Variants in TRHDE observed in about 807,000 individuals in gnomAD.
TRHDE encodes the protein thyrotropin-releasing hormone-degrading ectoenzyme.
A neutral mutation model predicts 125.7 loss-of-function variants in TRHDE; 72 were observed. The ratio of observed to expected loss-of-function variants is 0.57; its 90% CI spans 0.47 to 0.70. The LOEUF (loss-of-function observed/expected upper bound fraction) is 0.70, where lower values mean the gene tolerates loss of function less well. Among genes scored for constraint, TRHDE ranks in the 30% least tolerant of loss-of-function variants. TRHDE has a pLI of 0.00. For synonymous variants in TRHDE, 509 were observed against 509.1 expected (o/e 1.00, Z 0.00); for missense variants, 1,110 against 1,327.1 (o/e 0.84, Z 2.54).
At chr12:72,469,534 G>A (rs908303811) in intron 3 of TRHDE, among the ~76,000 whole-genome samples, 1 of 152,090 alleles carries the variant, frequency 6.6e-6, no homozygotes, top group African/African-American at 2.4e-5. Context: ...CTATAGCACT[G>A]GGCTTGAAAA....
Position 72,238,313 on chromosome 12 carries a change from T to C in TRHDE, n.279+132561T>C, listed in dbSNP as rs1392433180. Among the ~76,000 whole-genome samples the C allele has an allele frequency of 1.0e-3, 36 of 34,612 alleles. 3 individuals are homozygous for C. Among genetic ancestry groups the C allele is most frequent in the African/African-American group, 3.2e-3 (32 of 9,982 alleles). The allele number at this position is 34,612 out of a possible 152,430, so 22.7% of individuals were successfully genotyped here. A position where few individuals can be genotyped will look rare whatever the true frequency, so the allele number is the denominator to read the frequency against. On this transcript the variant is annotated intron_variant and non_coding_transcript_variant, in intron 2 of 4. Coordinates refer to the TRHDE transcript ENST00000548156. ...ATATATATATATATATATATATATA[T>C]ATATATATACATATATATATACACA...
chr12:72,660,497 C>G (rs1874874846), intron 18 of TRHDE, among the ~76,000 whole-genome samples: 2 of 152,168 alleles, frequency 1.3e-5, no homozygotes, highest in Non-Finnish European at 2.9e-5. Flanking sequence ...AAGGAGCCCT[C>G]AAACGGCCCT....
chr12:72,444,300 A>G (rs1209077913), intron 3 of TRHDE, among the ~76,000 whole-genome samples: 1 of 151,856 alleles, frequency 6.6e-6, no homozygotes, highest in Non-Finnish European at 1.5e-5. Flanking sequence ...AAATTCCCTT[A>G]TTCTAATTGC....
intron 2 of TRHDE, among the ~76,000 whole-genome samples, chr12:72,192,513 C>T (rs138394111): frequency 6.6e-6 from 1 of 152,020 alleles, no homozygotes; most frequent in Non-Finnish European, 1.5e-5. Flanking sequence ...GAATTTAAGG[C>T]TGTGATTGAA....
chr12:72,356,843 C>G (rs771063097), intron 2 of TRHDE, among the ~76,000 whole-genome samples: 11 of 151,448 alleles, frequency 7.3e-5, no homozygotes, highest in Non-Finnish European at 1.0e-4. Context: ...AACTATGAAA[C>G]TCCAAGCACA....
At chr12:72,159,218 T>C (rs1206048181) in intron 2 of TRHDE, among the ~76,000 whole-genome samples, 2 of 152,174 alleles carry the variant, frequency 1.3e-5, no homozygotes, top group African/African-American at 4.8e-5. Flanking sequence ...ATTTTAGTAG[T>C]AGAAAGTTAC....
intron 2 of TRHDE, among the ~76,000 whole-genome samples, chr12:72,191,338 A>G (rs1462552178): frequency 6.6e-6 from 1 of 152,132 alleles, no homozygotes; most frequent in Non-Finnish European, 1.5e-5. Context: ...CTCTCATAGC[A>G]TCTCCTAGAA....
intron 15 of TRHDE, among the ~76,000 whole-genome samples, chr12:72,634,041 G>GAGAT (rs1873611151): frequency 6.6e-6 from 1 of 152,068 alleles, no homozygotes; most frequent in South Asian, 2.1e-4. Flanking sequence ...GCACATTGTG[G>GAGAT]AGATAAAGCC....
chr12:72,478,673 G>T (rs755090709), intron 5 of TRHDE, among the ~76,000 whole-genome samples: 3 of 152,030 alleles, frequency 2.0e-5, no homozygotes, highest in Non-Finnish European at 4.4e-5. Flanking sequence ...GAAACTACAA[G>T]GAGGATATAA....
At chr12:72,375,969 C>A (rs1488154870) in intron 2 of TRHDE, among the ~76,000 whole-genome samples, 1 of 152,178 alleles carries the variant, frequency 6.6e-6, no homozygotes, top group Non-Finnish European at 1.5e-5. Flanking sequence ...CTTCTAGCTT[C>A]CACTGCTTTG....
chr12:72,364,856 A>T (rs932191615), intron 2 of TRHDE, among the ~76,000 whole-genome samples: 1 of 152,142 alleles, frequency 6.6e-6, no homozygotes, highest in Non-Finnish European at 1.5e-5. Context: ...CCTGGCTGTC[A>T]GTCTTGCTGA....
chr12:72,116,521 T>C (rs1386528181), intron 2 of TRHDE, among the ~76,000 whole-genome samples: 1 of 152,204 alleles, frequency 6.6e-6, no homozygotes, highest in East Asian at 1.9e-4. Flanking sequence ...CCCCAGCATC[T>C]GTTGTTTCCT....
chr12:72,240,762 C>A (rs187888877), intron 2 of TRHDE, among the ~76,000 whole-genome samples: 113 of 152,164 alleles, frequency 7.4e-4, no homozygotes, highest in Non-Finnish European at 1.4e-3. Flanking sequence ...TTAATAGATA[C>A]TGGGTTTCAC....
intron 6 of TRHDE, among the ~76,000 whole-genome samples, chr12:72,523,327 T>A (rs188854591): frequency 2.0e-5 from 3 of 152,262 alleles, no homozygotes; most frequent in Admixed American, 6.5e-5. Context: ...TAGTAGCAAC[T>A]GTCAATATTT....
At chr12:72,177,625 A>C (rs1455558971) in intron 2 of TRHDE, among the ~76,000 whole-genome samples, 1 of 152,148 alleles carries the variant, frequency 6.6e-6, no homozygotes, top group Non-Finnish European at 1.5e-5. Context: ...CTACAAAACT[A>C]GGTTTATAGA....
intron 2 of TRHDE, among the ~76,000 whole-genome samples, chr12:72,354,644 A>G (rs901674115): frequency 6.7e-6 from 1 of 149,782 alleles, no homozygotes; most frequent in Admixed American, 6.7e-5. Context: ...TATATTTATA[A>G]TAATTTTGTA....
chr12:72,563,737 T>G (rs1331400513), intron 9 of TRHDE, among the ~76,000 whole-genome samples: 1 of 149,012 alleles, frequency 6.7e-6, no homozygotes, highest in Non-Finnish European at 1.5e-5. Context: ...TATTAAAACT[T>G]AAATCATTCC....
At chr12:72,615,888 T>A (rs1872793940) in intron 12 of TRHDE, among the ~76,000 whole-genome samples, 1 of 152,082 alleles carries the variant, frequency 6.6e-6, no homozygotes, top group Non-Finnish European at 1.5e-5. Context: ...ACTGCCAAGG[T>A]CACCTGGAAG....
intron 3 of TRHDE, among the ~76,000 whole-genome samples, chr12:72,465,348 G>T (rs1876320348): frequency 6.6e-6 from 1 of 151,944 alleles, no homozygotes; most frequent in Non-Finnish European, 1.5e-5. Context: ...ACTCCCAAAA[G>T]TTTCCCATCG....
Sources: allele counts gnomAD v4.1 joint callset (sites outside exome capture counted in the v4.1 genomes callset), GRCh38; gene constraint gnomAD v4.1.1; transcripts MANE v1.5; gene names NCBI Gene and HGNC (gene_info 2026-07-23, HGNC 2026-07-21).